The following DYRK1A variants were observed in gnomAD, a reference collection of about 807,000 sequenced individuals.
The protein encoded by DYRK1A is dual specificity tyrosine phosphorylation regulated kinase 1A, also known as dual specificity tyrosine-phosphorylation-regulated kinase 1A.
In DYRK1A, 9 loss-of-function variants were observed where a neutral mutation model predicts 79.7. That is an observed-to-expected ratio of 0.11 (90% CI 0.07 to 0.20). The LOEUF is 0.20. Ranked by LOEUF, DYRK1A falls within the 10% of genes least tolerant of loss-of-function variation. The probability of loss-of-function intolerance (pLI) is 1.00; values close to 1 mark genes in which losing one functional copy is unlikely to be tolerated. For missense variants in DYRK1A, 622 were observed against 956.0 expected (o/e 0.65, Z 4.61); for synonymous variants, 349 against 329.7 (o/e 1.06, Z -0.63).
chr21:37,497,108 G>A (rs1472144827), intron 9 of DYRK1A, among the ~76,000 whole-genome samples: 1 of 149,238 alleles, frequency 6.7e-6, no homozygotes, highest in African/African-American at 2.5e-5. Flanking sequence ...TAACATTTAA[G>A]AGTTTATTTT....
intron 2 of DYRK1A, among the ~76,000 whole-genome samples, chr21:37,457,867 C>T (rs56854988): frequency 0.027 from 4,117 of 152,244 alleles, 188 homozygotes; most frequent in African/African-American, 0.095. Flanking sequence ...GTTGCTGTGC[C>T]TGCTTTAGAA....
At chr21:37,504,036 C>G (rs1051869649) in intron 9 of DYRK1A, 1 of 152,170 alleles carries the variant, frequency 6.6e-6, no homozygotes, top group Non-Finnish European at 1.5e-5. Context: ...CAGAAAGAGG[C>G]CTCTCAACTC....
chr21:37,477,301 A>G (rs972490171), intron 3 of DYRK1A, among the ~76,000 whole-genome samples: 9 of 152,122 alleles, frequency 5.9e-5, no homozygotes, highest in African/African-American at 2.2e-4. Context: ...GGCCAGGGGG[A>G]ATGGCTGTGA....
intron 1 of DYRK1A, among the ~76,000 whole-genome samples, chr21:37,392,893 C>T (rs1248275841): frequency 1.3e-5 from 2 of 152,250 alleles, no homozygotes; most frequent in Non-Finnish European, 2.9e-5. Flanking sequence ...GTTTCAAACG[C>T]TGCACCCTCT....
intron 2 of DYRK1A, among the ~76,000 whole-genome samples, chr21:37,469,942 G>A (rs1045820799): frequency 1.3e-5 from 2 of 152,120 alleles, no homozygotes; most frequent in Admixed American, 6.5e-5. Context: ...TCAGGAGATC[G>A]AGACCATCCT....
At chr21:37,481,649 G>A (rs2052645243) in intron 5 of DYRK1A, 1 of 152,134 alleles carries the variant, frequency 6.6e-6, no homozygotes, top group South Asian at 2.1e-4. Context: ...GCTCACCTTG[G>A]CCTCCCAAAG....
intron 1 of DYRK1A, among the ~76,000 whole-genome samples, chr21:37,416,537 C>A (rs1345005456): frequency 6.6e-6 from 1 of 151,784 alleles, no homozygotes; most frequent in Non-Finnish European, 1.5e-5. Flanking sequence ...ACTCCTTTGG[C>A]TATTATAATT....
At chr21:37,419,520 A>G (rs1272715220) in intron 1 of DYRK1A, 2 of 152,198 alleles carry the variant, frequency 1.3e-5, no homozygotes, top group Non-Finnish European at 2.9e-5. Flanking sequence ...CATATGCAAC[A>G]TTGTTCTATT....
At chr21:37,397,268 ATTTC>A (rs1465573956) in intron 1 of DYRK1A, among the ~76,000 whole-genome samples, 2 of 152,146 alleles carry the variant, frequency 1.3e-5, no homozygotes, top group African/African-American at 4.8e-5. Context: ...ATATGAAGCT[ATTTC>A]TTAGTATATT....
At chr21:37,415,147 G>T (rs969437743) in intron 1 of DYRK1A, among the ~76,000 whole-genome samples, 3 of 152,162 alleles carry the variant, frequency 2.0e-5, no homozygotes, top group African/African-American at 7.2e-5. Flanking sequence ...TTCAGGCCCA[G>T]ATGTGCTCTC....
chr21:37,398,345 A>C (rs73216429), intron 1 of DYRK1A, among the ~76,000 whole-genome samples: 27,556 of 147,338 alleles, frequency 0.19, 2,629 homozygotes, highest in East Asian at 0.36. Flanking sequence ...CTGTCTCTTA[A>C]AAAAAAAAAA....
intron 1 of DYRK1A, among the ~76,000 whole-genome samples, chr21:37,414,019 T>A (rs1216004418): frequency 6.6e-6 from 1 of 152,168 alleles, no homozygotes; most frequent in Non-Finnish European, 1.5e-5. Context: ...TGGAGTACTG[T>A]GCACCTGGTA....
intron 1 of DYRK1A, among the ~76,000 whole-genome samples, chr21:37,375,385 TG>T (rs984490254): frequency 3.9e-5 from 6 of 152,178 alleles, no homozygotes; most frequent in African/African-American, 1.4e-4. Context: ...AGGTAGTTCT[TG>T]TCCTCAAATT....
At chr21:37,454,688 T>A (rs2051576439) in intron 2 of DYRK1A, among the ~76,000 whole-genome samples, 1 of 152,228 alleles carries the variant, frequency 6.6e-6, no homozygotes. Flanking sequence ...TATCTCATTG[T>A]TACTTGAGAT....
rs1269926965 is a variant in DYRK1A at position 37,520,086 on chromosome 21, A to G, written c.*7555A>G. 1.3e-5 allele frequency: 2 copies of G among 152,136 alleles called. No individual in the cohort carries two copies. Among genetic ancestry groups the G allele is most frequent in the Non-Finnish European group, 2.9e-5 (2 of 68,028 alleles). 9.4% of individuals were successfully genotyped at this position (152,136 alleles called of 1,614,324 possible). On this transcript the variant is annotated 3_prime_UTR_variant, in exon 12 of 12. Coordinates refer to ENST00000647188, the MANE Select transcript of DYRK1A (RefSeq NM_001347721.2). ...AAACTATATGATATTTAAATGTTTT[A>G]TAAGGATGGGTTTTCAGTAGAATTT...
intron 2 of DYRK1A, among the ~76,000 whole-genome samples, chr21:37,449,486 A>G (rs573579443): frequency 1.3e-5 from 2 of 152,070 alleles, no homozygotes; most frequent in Non-Finnish European, 2.9e-5. Flanking sequence ...TTCACACGCA[A>G]TTTTTATGGG....
chr21:37,388,122 T>TTC (rs1569284870), intron 1 of DYRK1A, among the ~76,000 whole-genome samples: 1 of 147,914 alleles, frequency 6.8e-6, no homozygotes, highest in South Asian at 2.1e-4. Flanking sequence ...TTTTTTTTTT[T>TTC]ACTCTTGCCC....
At chr21:37,424,077 G>A (rs937677327) in intron 2 of DYRK1A, among the ~76,000 whole-genome samples, 4 of 152,076 alleles carry the variant, frequency 2.6e-5, no homozygotes, top group African/African-American at 9.7e-5. Context: ...CCCATCATAT[G>A]TGGGGTACAC....
intron 2 of DYRK1A, among the ~76,000 whole-genome samples, chr21:37,434,454 T>C (rs567103551): frequency 6.2e-4 from 95 of 152,316 alleles, no homozygotes; most frequent in African/African-American, 1.9e-3. Flanking sequence ...TTAAAGAAAC[T>C]CTCAACCACT....
Sources: allele counts gnomAD v4.1 joint callset (sites outside exome capture counted in the v4.1 genomes callset), GRCh38; gene constraint gnomAD v4.1.1; transcripts MANE v1.5; gene names NCBI Gene and HGNC (gene_info 2026-07-23, HGNC 2026-07-21).